The following TMEM132B variants were observed in gnomAD, a reference collection of about 807,000 sequenced individuals.
The protein encoded by TMEM132B is transmembrane protein 132B.
TMEM132B carries 18 observed loss-of-function variants against 90.8 expected under a neutral mutation model. The observed-to-expected ratio is 0.20, with a 90% CI of 0.14 to 0.29. TMEM132B has a LOEUF of 0.29. Among genes scored for constraint, TMEM132B ranks in the 10% least tolerant of loss-of-function variants. The pLI is 1.00. For synonymous variants in TMEM132B, 504 were observed against 523.3 expected (o/e 0.96, Z 0.50); for missense variants, 1,096 against 1,326.8 (o/e 0.83, Z 2.70).
At chr12:125,383,541 A>G (rs1437359912) in intron 2 of TMEM132B, among the ~76,000 whole-genome samples, 1 of 152,234 alleles carries the variant, frequency 6.6e-6, no homozygotes, top group African/African-American at 2.4e-5. Context: ...GGGACTGGGA[A>G]GTTGGCATTG....
chr12:125,649,709 C>G (rs902382554), intron 6 of TMEM132B, among the ~76,000 whole-genome samples: 4 of 152,200 alleles, frequency 2.6e-5, no homozygotes, highest in African/African-American at 9.7e-5. Flanking sequence ...GACAGAATCC[C>G]CAGGCACTGA....
chr12:125,383,988 C>G (rs1253620586), intron 2 of TMEM132B, among the ~76,000 whole-genome samples: 1 of 152,090 alleles, frequency 6.6e-6, no homozygotes, highest in East Asian at 1.9e-4. Flanking sequence ...ACTCCATCAC[C>G]CAGGCTGGAG....
intron 5 of TMEM132B, among the ~76,000 whole-genome samples, chr12:125,589,686 A>T (rs1885274838): frequency 6.6e-6 from 1 of 152,040 alleles, no homozygotes; most frequent in African/African-American, 2.4e-5. Context: ...GAGCAGGAGC[A>T]AGCAGGGCAG....
chr12:125,400,042 T>G (rs548222104), intron 2 of TMEM132B, among the ~76,000 whole-genome samples: 1 of 152,314 alleles, frequency 6.6e-6, no homozygotes, highest in South Asian at 2.1e-4. Flanking sequence ...ATTGTTCTTA[T>G]CTGTAGTTCT....
intron 1 of TMEM132B, among the ~76,000 whole-genome samples, chr12:125,191,958 C>G (rs1313820834): frequency 6.6e-6 from 1 of 152,102 alleles, no homozygotes; most frequent in East Asian, 1.9e-4. Flanking sequence ...TGTGCTGATG[C>G]GTGAGGCTGT....
At chr12:125,429,989 C>T (rs539663652) in intron 3 of TMEM132B, among the ~76,000 whole-genome samples, 1 of 152,288 alleles carries the variant, frequency 6.6e-6, no homozygotes, top group Non-Finnish European at 1.5e-5. Context: ...ATTTGGAATT[C>T]TTCTTGCAGC....
chr12:125,218,159 G>C (rs1565977271), intron 1 of TMEM132B, among the ~76,000 whole-genome samples: 1 of 152,138 alleles, frequency 6.6e-6, no homozygotes, highest in Non-Finnish European at 1.5e-5. Context: ...ATAAGACTGG[G>C]GGAGTTGGGT....
chr12:125,619,339 TA>T (rs1753914749), intron 5 of TMEM132B, among the ~76,000 whole-genome samples: 1 of 290 alleles, frequency 3.4e-3, no homozygotes, highest in African/African-American at 0.019. Context: ...TATATTTATT[TA>T]TTTATTTATT....
At chr12:125,305,048 C>T (rs1875925673) in intron 1 of TMEM132B, among the ~76,000 whole-genome samples, 1 of 151,850 alleles carries the variant, frequency 6.6e-6, no homozygotes, top group Non-Finnish European at 1.5e-5. Context: ...CTTTTTAACT[C>T]CCCTGGGGAG....
rs530701843 is a variant in TMEM132B, at chr12:125,606,751, AG to A, written c.1437+22758del. Among the ~76,000 whole-genome samples, 20 of 152,316 alleles carry A rather than the reference AG, an allele frequency of 1.3e-4. No individual in the cohort carries two copies. The South Asian group carries it at 4.1e-3, about 32-fold the overall frequency. ...CTCCTCCTCAGGCAGCAACAGCTCC[AG>A]TCCCGGTGACCTGGGACCACTGAGC... On this transcript the variant is annotated intron_variant, in intron 5 of 8. Coordinates refer to ENST00000682704, the MANE Select transcript of TMEM132B (RefSeq NM_001366854.1).
rs142353784 is a variant in TMEM132B at position 125,343,615 on chromosome 12, A to G, written c.68-5837A>G. On this transcript the variant is annotated intron_variant, in intron 1 of 8. Coordinates refer to ENST00000682704, the MANE Select transcript of TMEM132B (RefSeq NM_001366854.1). ...AACGTTGACCATGTTCAAATTGCTTAATTTCTCTGTGCCTCAGTTTCATAA... is the reference window on the plus strand; with the variant it reads ...AACGTTGACCATGTTCAAATTGCTTGATTTCTCTGTGCCTCAGTTTCATAA... 1.2e-3 allele frequency among the ~76,000 whole-genome samples: 181 copies of G among 152,354 alleles called. 1 individual carries two copies. The highest frequency in any genetic ancestry group is 6.8e-3 in the Middle Eastern group (2 of 294).
chr12:125,345,440 T>G (rs1877324929), intron 1 of TMEM132B, among the ~76,000 whole-genome samples: 1 of 152,230 alleles, frequency 6.6e-6, no homozygotes, highest in Non-Finnish European at 1.5e-5. Context: ...TGTCCAGGAA[T>G]GTTTTTTGTG....
chr12:125,596,899 T>A (rs1372955777), intron 5 of TMEM132B, among the ~76,000 whole-genome samples: 1 of 152,236 alleles, frequency 6.6e-6, no homozygotes, highest in Non-Finnish European at 1.5e-5. Flanking sequence ...TAGATGGCTA[T>A]GTGCTGAGAC....
chr12:125,382,520 A>G (rs1346063529), intron 2 of TMEM132B, among the ~76,000 whole-genome samples: 1 of 152,096 alleles, frequency 6.6e-6, no homozygotes, highest in African/African-American at 2.4e-5. Context: ...ACTCTTTATG[A>G]CCTTGCTTGA....
intron 1 of TMEM132B, among the ~76,000 whole-genome samples, chr12:125,325,048 CT>C (rs138841794): frequency 0.01 from 1,571 of 152,310 alleles, 53 homozygotes; most frequent in East Asian, 0.078. Flanking sequence ...ATTGTTTCCA[CT>C]GAGATAGCTG....
At chr12:125,359,488 A>T (rs1047455801) in intron 2 of TMEM132B, among the ~76,000 whole-genome samples, 3 of 152,152 alleles carry the variant, frequency 2.0e-5, no homozygotes, top group African/African-American at 7.2e-5. Flanking sequence ...TAGTAAAAAA[A>T]AAGATATGAT....
intron 4 of TMEM132B, among the ~76,000 whole-genome samples, chr12:125,583,592 A>G (rs1885107328): frequency 6.6e-6 from 1 of 152,166 alleles, no homozygotes. Context: ...AGAGGAGGTC[A>G]GGGAGAGGGA....
chr12:125,530,957 A>T (rs1317379072), intron 4 of TMEM132B, among the ~76,000 whole-genome samples: 1 of 152,186 alleles, frequency 6.6e-6, no homozygotes, highest in Non-Finnish European at 1.5e-5. Context: ...CATGAGTGCC[A>T]TTAACCACTT....
intron 1 of TMEM132B, among the ~76,000 whole-genome samples, chr12:125,215,091 C>T (rs1381458370): frequency 6.6e-6 from 1 of 152,234 alleles, no homozygotes; most frequent in Non-Finnish European, 1.5e-5. Flanking sequence ...GCTACACCTA[C>T]CCTGCCACTC....
Sources: gnomAD v4.1 joint callset for allele counts (sites outside exome capture counted in the v4.1 genomes callset) on GRCh38, gnomAD v4.1.1 for gene constraint, MANE v1.5 for transcripts, NCBI Gene and HGNC (gene_info 2026-07-23, HGNC 2026-07-21) for gene names.